CELF4: variants seen among roughly 807,000 people sequenced by gnomAD.
CELF4 encodes the protein CUG-BP- and ETR-3-like factor 4.
Under a neutral mutation model 59.9 loss-of-function variants are expected in CELF4, and 18 were observed. That is an observed-to-expected ratio of 0.30 (90% CI 0.21 to 0.45). The LOEUF (loss-of-function observed/expected upper bound fraction) is 0.45, where lower values mean the gene tolerates loss of function less well. Among genes scored for constraint, CELF4 ranks in the 20% least tolerant of loss-of-function variants. The pLI, the probability that CELF4 is intolerant of heterozygous loss-of-function variation, is 1.00. For missense variants in CELF4, 456 were observed against 689.0 expected (o/e 0.66, Z 3.79); for synonymous variants, 261 against 267.1 (o/e 0.98, Z 0.22).
intron 2 of CELF4, among the ~76,000 whole-genome samples, chr18:37,474,775 G>A (rs2099844139): frequency 6.6e-6 from 1 of 152,234 alleles, no homozygotes; most frequent in Non-Finnish European, 1.5e-5. Flanking sequence ...ATGCCACAAG[G>A]CTCAATCTGC....
chr18:37,397,452 A>C (rs2099259059), intron 2 of CELF4, among the ~76,000 whole-genome samples: 1 of 152,180 alleles, frequency 6.6e-6, no homozygotes. Flanking sequence ...CTGGGTACCC[A>C]GGACCATCTG....
At chr18:37,562,377 C>CTTTT (rs5824077) in intron 1 of CELF4, among the ~76,000 whole-genome samples, 2 of 145,738 alleles carry the variant, frequency 1.4e-5, no homozygotes, top group African/African-American at 5.0e-5. Context: ...TTTCCTTTTC[C>CTTTT]TTTTTTTTTT....
At chr18:37,387,877 C>G (rs1017785833) in intron 2 of CELF4, among the ~76,000 whole-genome samples, 1 of 152,206 alleles carries the variant, frequency 6.6e-6, no homozygotes, top group Admixed American at 6.5e-5. Context: ...ACTCTCTCAT[C>G]AGAACAGAGG....
chr18:37,356,386 G>A (rs536486159), intron 2 of CELF4, among the ~76,000 whole-genome samples: 12 of 152,322 alleles, frequency 7.9e-5, no homozygotes, highest in African/African-American at 2.6e-4. Context: ...AAGAGAGAAC[G>A]GTTGGGTGTG....
At chr18:37,410,114 C>T (rs758607768) in intron 2 of CELF4, among the ~76,000 whole-genome samples, 9 of 152,162 alleles carry the variant, frequency 5.9e-5, no homozygotes, top group Admixed American at 1.3e-4. Context: ...GTGAGGTTCT[C>T]GGGAGAGCAT....
intron 2 of CELF4, among the ~76,000 whole-genome samples, chr18:37,331,404 T>C (rs2097538095): frequency 6.6e-6 from 1 of 152,174 alleles, no homozygotes; most frequent in African/African-American, 2.4e-5. Flanking sequence ...GCCTCTGGAC[T>C]CACTTTCTGT....
chr18:37,303,272 G>A (rs1393190303), intron 3 of CELF4, among the ~76,000 whole-genome samples: 1 of 152,078 alleles, frequency 6.6e-6, no homozygotes, highest in African/African-American at 2.4e-5. Context: ...ACCTACCCAG[G>A]CCCCCTGCAA....
rs61248144 is a variant in CELF4, at chr18:37,444,617, T to TACACACACACACACACAC, written c.369+40890_369+40907dup. Among the ~76,000 whole-genome samples the TACACACACACACACACAC allele has an allele frequency of 3.7e-3, 494 of 134,234 alleles. 3 individuals carry two copies. Among genetic ancestry groups the TACACACACACACACACAC allele is most frequent in the African/African-American group, 9.5e-3 (330 of 34,634 alleles). The allele number at this position is 134,234 out of a possible 152,430, so 88.1% of individuals were successfully genotyped here. A position where few individuals can be genotyped will look rare whatever the true frequency, so the allele number is the denominator to read the frequency against. ...TCTCTCTCTCTCTCTCTAGCATGCA[T>TACACACACACACACACAC]ACACACACACACACACACACACACA... On this transcript the variant is annotated intron_variant, in intron 2 of 12. Transcript: ENST00000420428.
rs1213224385 is a variant in CELF4 at position 37,245,225 on chromosome 18, A to C, written c.*45-28T>G. The C allele has an allele frequency of 6.6e-6, 1 of 152,198 alleles. No individual in the cohort carries two copies. The highest frequency in any genetic ancestry group is 2.4e-5 in the African/African-American group (1 of 41,438). The allele number at this position is 152,198 out of a possible 1,614,324, so 9.4% of individuals were successfully genotyped here. On this transcript the variant is annotated intron_variant, in intron 12 of 12. Transcript: ENST00000420428. This position sits in a 1 kb window ranked among gnomAD's most constrained non-coding sequence, Gnocchi z 4.1. ...AAAATGAAGAAAATCAGGGCTGATT[A>C]AGCCAAGAGGGAAAACACAAACAGC...
intron 2 of CELF4, among the ~76,000 whole-genome samples, chr18:37,451,428 TTG>T (rs1224671450): frequency 6.6e-6 from 1 of 152,146 alleles, no homozygotes; most frequent in Non-Finnish European, 1.5e-5. Context: ...CATGTGTCTT[TTG>T]TGTGTGTGCA....
At chr18:37,537,869 C>A (rs1166405690) in intron 1 of CELF4, among the ~76,000 whole-genome samples, 1 of 152,236 alleles carries the variant, frequency 6.6e-6, no homozygotes, top group African/African-American at 2.4e-5. Context: ...CTCCTTGGAG[C>A]CCTACCCTCC....
intron 1 of CELF4, among the ~76,000 whole-genome samples, chr18:37,544,844 G>A (rs902828879): frequency 2.0e-5 from 3 of 152,164 alleles, no homozygotes; most frequent in African/African-American, 7.2e-5. Context: ...GAAAGTTAGG[G>A]GATACTCAGG....
chr18:37,503,575 G>A (rs564151607), intron 1 of CELF4, among the ~76,000 whole-genome samples: 15 of 152,236 alleles, frequency 9.9e-5, no homozygotes, highest in Non-Finnish European at 1.9e-4. Flanking sequence ...TCCCCAGAAT[G>A]CTTAGCATCT....
chr18:37,486,037 C>T (rs1484434616), intron 1 of CELF4: 1 of 154,754 alleles, frequency 6.5e-6, no homozygotes, highest in African/African-American at 2.4e-5. Flanking sequence ...GGTAGGAGTG[C>T]TGGGCGCTGC....
intron 2 of CELF4, among the ~76,000 whole-genome samples, chr18:37,365,237 G>A (rs1273960007): frequency 1.3e-5 from 2 of 152,280 alleles, no homozygotes; most frequent in Middle Eastern, 3.4e-3. Flanking sequence ...CAGGAGAGTA[G>A]CCCACAGAAG....
intron 3 of CELF4, chr18:37,305,282 G>A (rs899982059): frequency 5.3e-5 from 8 of 152,008 alleles, no homozygotes; most frequent in East Asian, 1.9e-4. Context: ...GCCAGCATTC[G>A]CGGGGGCTTG....
chr18:37,464,947 T>C (rs1460250204), intron 2 of CELF4, among the ~76,000 whole-genome samples: 9 of 152,178 alleles, frequency 5.9e-5, no homozygotes, highest in Non-Finnish European at 1.2e-4. Context: ...GTGAGGAGTC[T>C]CCTTGGGTCT....
At chr18:37,312,911 T>A (rs2096727996) in intron 3 of CELF4, among the ~76,000 whole-genome samples, 1 of 152,196 alleles carries the variant, frequency 6.6e-6, no homozygotes, top group Non-Finnish European at 1.5e-5. Flanking sequence ...CGTCCAGGTC[T>A]GGAGCAGGGT....
At chr18:37,412,268 T>C (rs2099471296) in intron 2 of CELF4, among the ~76,000 whole-genome samples, 1 of 152,012 alleles carries the variant, frequency 6.6e-6, no homozygotes. Context: ...TAAACCAGAG[T>C]GTCTGGTGCT....
Sources: allele counts gnomAD v4.1 joint callset (sites outside exome capture counted in the v4.1 genomes callset), GRCh38; gene constraint gnomAD v4.1.1; non-coding constraint Gnocchi (gnomAD v3.1); transcripts MANE v1.5; gene names NCBI Gene and HGNC (gene_info 2026-07-23, HGNC 2026-07-21).